The following UNC5C variants were observed in gnomAD, a reference collection of about 807,000 sequenced individuals.
UNC5C encodes netrin receptor UNC5C.
In UNC5C, 47 loss-of-function variants were observed where a neutral mutation model predicts 99.8. The observed-to-expected ratio is 0.47, with a 90% CI of 0.37 to 0.60. UNC5C has a LOEUF of 0.60. Ranked by LOEUF, UNC5C falls within the 20% of genes least tolerant of loss-of-function variation. The pLI is 0.00. For synonymous variants in UNC5C, 487 were observed against 452.2 expected, an observed-to-expected ratio of 1.08 and a Z score of -0.98; for missense variants, 1,062 against 1,165.9, an observed-to-expected ratio of 0.91 and a Z score of 1.30.
At chr4:95,389,389 T>C (rs1291076296) in intron 1 of UNC5C, among the ~76,000 whole-genome samples, 2 of 152,178 alleles carry the variant, frequency 1.3e-5, no homozygotes, top group African/African-American at 4.8e-5. Flanking sequence ...AAAGCACTAG[T>C]CAATAAAATA....
At chr4:95,191,586 T>A (rs1424788027) in intron 12 of UNC5C, among the ~76,000 whole-genome samples, 1 of 150,964 alleles carries the variant, frequency 6.6e-6, no homozygotes, top group Non-Finnish European at 1.5e-5. Context: ...TCTATTCACC[T>A]TTCTCCCCTG....
chr4:95,364,733 T>C (rs189539706), intron 1 of UNC5C, among the ~76,000 whole-genome samples: 119 of 152,292 alleles, frequency 7.8e-4, no homozygotes, highest in Non-Finnish European at 1.5e-3. Flanking sequence ...GAGGATTACA[T>C]GAGTAAGTAC....
Position 95,229,171 on chromosome 4 carries a change from C to T in UNC5C, c.1109-8995G>A, listed in dbSNP as rs1738806758. On this transcript the variant is annotated intron_variant, in intron 7 of 15. Transcript: ENST00000453304. ...TACTTCAAGTTCTGAGATACATGTGCAGAATGTGCAGGTTTGTTACATAGG... is the reference window on the plus strand; with the variant it reads ...TACTTCAAGTTCTGAGATACATGTGTAGAATGTGCAGGTTTGTTACATAGG... 2.0e-5 allele frequency among the ~76,000 whole-genome samples: 3 copies of T among 152,112 alleles called. 1 individual carries two copies. In the South Asian group the frequency reaches 6.2e-4, roughly 32 times the overall value.
intron 7 of UNC5C, among the ~76,000 whole-genome samples, chr4:95,240,303 ACTTTGGCAGTAATG>A (rs1240673605): frequency 1.2e-4 from 18 of 152,182 alleles, no homozygotes; most frequent in Non-Finnish European, 2.2e-4. Flanking sequence ...TTTTTACAAG[ACTTTGGCAGTAATG>A]CTGTCCCAGA....
At position 95,182,306 on chromosome 4, in the gene UNC5C, G is replaced by GAA. The variant is rs1428113045; in HGVS notation, c.2451+590_2451+591insTT. ...ATACGGAGATTCTACTTCTATTTGT[G>GAA]GCATATTTCCCCCATCCCGGAGGAA... On this transcript the variant is annotated intron_variant, in intron 14 of 15. Coordinates refer to ENST00000453304, the MANE Select transcript of UNC5C (RefSeq NM_003728.4). Among the ~76,000 whole-genome samples the GAA allele has an allele frequency of 2.0e-5, 3 of 152,062 alleles. No homozygotes were observed. The East Asian group carries it at 5.8e-4, about 29-fold the overall frequency.
chr4:95,483,010 A>G (rs1196064912), intron 1 of UNC5C, among the ~76,000 whole-genome samples: 2 of 26,872 alleles, frequency 7.4e-5, no homozygotes, highest in Non-Finnish European at 1.2e-4. Context: ...AAAGTATAAT[A>G]ATAATAATAA....
At chr4:95,519,690 A>T (rs976113047) in intron 1 of UNC5C, among the ~76,000 whole-genome samples, 1 of 152,218 alleles carries the variant, frequency 6.6e-6, no homozygotes, top group African/African-American at 2.4e-5. Flanking sequence ...TAATTGGAAG[A>T]GTAATCAATT....
At chr4:95,389,132 G>C (rs1309495638) in intron 1 of UNC5C, among the ~76,000 whole-genome samples, 1 of 152,076 alleles carries the variant, frequency 6.6e-6, no homozygotes, top group African/African-American at 2.4e-5. Context: ...GCAATCAAGT[G>C]AAACAAAGCA....
chr4:95,343,091 C>G lies in UNC5C; in HGVS notation c.125-7460G>C, dbSNP rs560523971. On this transcript the variant is annotated intron_variant, in intron 1 of 15. Transcript: ENST00000453304. The stretch of plus-strand genomic sequence containing the variant: ...TGGATCCGCACAGGGCTGGGGGCAA[C>G]TTGCTTCTCTGGAGGGAAGAACAAA... 2.2e-4 allele frequency among the ~76,000 whole-genome samples: 33 copies of G among 152,216 alleles called. 1 individual carries two copies. In the South Asian group the frequency reaches 6.0e-3, roughly 28 times the overall value.
chr4:95,421,983 A>G (rs1226959118), intron 1 of UNC5C, among the ~76,000 whole-genome samples: 1 of 152,242 alleles, frequency 6.6e-6, no homozygotes, highest in Admixed American at 6.5e-5. Context: ...TTGCACTAGC[A>G]AAAGATCTGT....
chr4:95,538,786 G>A (rs1311955853), intron 1 of UNC5C, among the ~76,000 whole-genome samples: 3 of 152,100 alleles, frequency 2.0e-5, no homozygotes, highest in Non-Finnish European at 4.4e-5. Context: ...ATGTTAACCT[G>A]TATTTAATAC....
At chr4:95,461,249 T>C (rs949745935) in intron 1 of UNC5C, among the ~76,000 whole-genome samples, 4 of 152,222 alleles carry the variant, frequency 2.6e-5, no homozygotes, top group Non-Finnish European at 5.9e-5. Flanking sequence ...ATTCACTTAA[T>C]GTTTGATTGA....
At position 95,290,206 on chromosome 4, in the gene UNC5C, T is replaced by TGG. The variant is rs1741393447; in HGVS notation, c.490+11399_490+11400insCC. Among the ~76,000 whole-genome samples the TGG allele has an allele frequency of 2.0e-5, 3 of 151,932 alleles. No individual in the cohort carries two copies. The South Asian group carries it at 6.2e-4, about 32-fold the overall frequency. Reference sequence around the variant, plus strand: ...CTGTAGTCCCAGATACTAGGGAGGCTGAGGTGGGAGGATCGCTTGAGCCCA... The same window carrying TGG: ...CTGTAGTCCCAGATACTAGGGAGGCTGGGAGGTGGGAGGATCGCTTGAGCCCA... On this transcript the variant is annotated intron_variant, in intron 3 of 15. Coordinates refer to ENST00000453304, the MANE Select transcript of UNC5C (RefSeq NM_003728.4).
intron 1 of UNC5C, among the ~76,000 whole-genome samples, chr4:95,448,640 C>T (rs182664908): frequency 6.6e-6 from 1 of 152,172 alleles, no homozygotes; most frequent in African/African-American, 2.4e-5. Flanking sequence ...TGAGAAAGAA[C>T]AGAGCAATAA....
At chr4:95,530,503 G>A (rs1230380113) in intron 1 of UNC5C, among the ~76,000 whole-genome samples, 6 of 152,054 alleles carry the variant, frequency 3.9e-5, no homozygotes. Flanking sequence ...CACTACCAAG[G>A]CAATTATGTT....
chr4:95,285,755 T>C (rs1741210248), intron 3 of UNC5C, among the ~76,000 whole-genome samples: 1 of 152,232 alleles, frequency 6.6e-6, no homozygotes. Flanking sequence ...TATCAAGATA[T>C]ACATAGTCTT....
intron 1 of UNC5C, among the ~76,000 whole-genome samples, chr4:95,474,658 T>A (rs1748082530): frequency 6.6e-6 from 1 of 152,132 alleles, no homozygotes; most frequent in South Asian, 2.1e-4. Context: ...CCAGATAATG[T>A]GGAAACAGAA....
In UNC5C at chr4:95,531,649, T is replaced by C. The variant is rs1373062090; in HGVS notation, c.124+17085A>G. ...GCCCAAAAATAATAGGCTGTGGTCCTACCAAAAGAATTTTCAGACAATAGT... is the reference window on the plus strand; with the variant it reads ...GCCCAAAAATAATAGGCTGTGGTCCCACCAAAAGAATTTTCAGACAATAGT... On this transcript the variant is annotated intron_variant, in intron 1 of 15. Coordinates refer to ENST00000453304, the MANE Select transcript of UNC5C (RefSeq NM_003728.4). Among the ~76,000 whole-genome samples, 7 of 152,370 alleles carry C rather than the reference T, an allele frequency of 4.6e-5. No homozygotes were observed. In the East Asian group the frequency reaches 1.2e-3, roughly 25 times the overall value.
intron 4 of UNC5C, among the ~76,000 whole-genome samples, chr4:95,270,726 A>C (rs546037155): frequency 5.9e-5 from 9 of 152,348 alleles, no homozygotes; most frequent in African/African-American, 2.2e-4. Context: ...ATAAAATAAA[A>C]TAACCAAAAC....
Sources: allele counts gnomAD v4.1 joint callset (sites outside exome capture counted in the v4.1 genomes callset), GRCh38; gene constraint gnomAD v4.1.1; transcripts MANE v1.5; gene names NCBI Gene and HGNC (gene_info 2026-07-23, HGNC 2026-07-21).